Variants in CNTNAP2 observed in about 807,000 individuals in gnomAD.
The protein encoded by CNTNAP2 is contactin-associated protein-like 2.
A neutral mutation model predicts 155.2 loss-of-function variants in CNTNAP2; 98 were observed. The ratio of observed to expected loss-of-function variants is 0.63; its 90% confidence interval spans 0.54 to 0.75. The LOEUF (loss-of-function observed/expected upper bound fraction) is 0.75, where lower values mean the gene tolerates loss of function less well. CNTNAP2 is among the 30% of genes least tolerant of loss of function. CNTNAP2 has a pLI of 0.00. For missense variants in CNTNAP2, 1,727 were observed against 1,688.1 expected (o/e 1.02, Z -0.40); for synonymous variants, 651 against 631.2 (o/e 1.03, Z -0.47).
In CNTNAP2 at chr7:146,395,830, A is replaced by AG. The variant is rs1458932311; in HGVS notation, c.97+278858dup. 2.8e-3 allele frequency among the ~76,000 whole-genome samples: 268 copies of AG among 95,014 alleles called. 2 individuals are homozygous for AG. The highest frequency in any genetic ancestry group is 0.011 in the South Asian group (36 of 3,350). The allele number at this position is 95,014 out of a possible 152,430, so 62.3% of individuals were successfully genotyped here. A position where few individuals can be genotyped will look rare whatever the true frequency, so the allele number is the denominator to read the frequency against. On this transcript the variant is annotated intron_variant, in intron 1 of 23. Coordinates refer to ENST00000361727, the MANE Select transcript of CNTNAP2 (RefSeq NM_014141.6). ...ATAGATAGATAGATAGATAGAGGAG[A>AG]GAGAGAGAGAGAGAGAGAGAGAGAG... is the stretch of plus-strand genomic sequence containing the variant.
At chr7:146,125,153 C>T (rs1319527422) in intron 1 of CNTNAP2, among the ~76,000 whole-genome samples, 2 of 152,214 alleles carry the variant, frequency 1.3e-5, no homozygotes, top group Non-Finnish European at 2.9e-5. Context: ...GCCTCATGCA[C>T]TTCTGTAGTA....
intron 3 of CNTNAP2, among the ~76,000 whole-genome samples, chr7:147,030,823 G>A (rs942229057): frequency 6.6e-6 from 1 of 152,150 alleles, no homozygotes; most frequent in African/African-American, 2.4e-5. Context: ...GTTTGAGGCT[G>A]CAGTGAGCTG....
chr7:147,401,910 A>T (rs114199638), intron 10 of CNTNAP2, among the ~76,000 whole-genome samples: 86 of 152,152 alleles, frequency 5.7e-4, no homozygotes, highest in African/African-American at 2.1e-3. Context: ...TCCAGTCTCA[A>T]GCAGTTCGTT....
At chr7:146,915,880 CAT>C (rs1796383408) in intron 3 of CNTNAP2, 1 of 152,154 alleles carries the variant, frequency 6.6e-6, no homozygotes, top group Admixed American at 6.6e-5. Context: ...TGAAAGTGGG[CAT>C]CCTTGCCTTG....
intron 13 of CNTNAP2, among the ~76,000 whole-genome samples, chr7:147,641,804 C>T (rs1017872672): frequency 1.8e-4 from 28 of 152,070 alleles, no homozygotes; most frequent in African/African-American, 6.3e-4. Flanking sequence ...AAACCTTGAT[C>T]TTTCACTTCC....
intron 10 of CNTNAP2, among the ~76,000 whole-genome samples, chr7:147,476,820 C>G (rs547285737): frequency 6.6e-6 from 1 of 151,714 alleles, no homozygotes; most frequent in Admixed American, 6.6e-5. Context: ...CCCAGCTACT[C>G]AGGAGGCTGA....
chr7:147,070,164 A>T (rs1018421336), intron 4 of CNTNAP2, among the ~76,000 whole-genome samples: 3 of 152,164 alleles, frequency 2.0e-5, no homozygotes, highest in African/African-American at 7.2e-5. Flanking sequence ...TTGCAATTTT[A>T]TGTGCTTTGT....
intron 1 of CNTNAP2, among the ~76,000 whole-genome samples, chr7:146,367,857 A>G (rs1256164445): frequency 6.6e-6 from 1 of 152,112 alleles, no homozygotes; most frequent in Non-Finnish European, 1.5e-5. Flanking sequence ...AATTTTCCAC[A>G]AACTATGATT....
At chr7:147,127,651 C>A (rs1801267596) in intron 6 of CNTNAP2, among the ~76,000 whole-genome samples, 4 of 152,104 alleles carry the variant, frequency 2.6e-5, no homozygotes. Context: ...TGAGTTCTAA[C>A]CCCAATCCCT....
chr7:146,428,910 CTT>C (rs1796132886), intron 1 of CNTNAP2, among the ~76,000 whole-genome samples: 1 of 152,002 alleles, frequency 6.6e-6, no homozygotes, highest in Non-Finnish European at 1.5e-5. Flanking sequence ...TTTAATCTCT[CTT>C]GGGTTAATTT....
intron 1 of CNTNAP2, among the ~76,000 whole-genome samples, chr7:146,395,299 T>C (rs1488578488): frequency 1.3e-5 from 2 of 152,072 alleles, no homozygotes; most frequent in East Asian, 3.9e-4. Context: ...GGGTGTGGGA[T>C]TCAAACCCAG....
At chr7:148,227,211 G>C (rs1374495289) in intron 19 of CNTNAP2, among the ~76,000 whole-genome samples, 1 of 152,168 alleles carries the variant, frequency 6.6e-6, no homozygotes, top group African/African-American at 2.4e-5. Flanking sequence ...TCTGTGCCGA[G>C]TGAAGATGAG....
chr7:146,473,503 T>G (rs1796830047), intron 1 of CNTNAP2, among the ~76,000 whole-genome samples: 1 of 152,190 alleles, frequency 6.6e-6, no homozygotes, highest in Non-Finnish European at 1.5e-5. Context: ...AATAACTCAT[T>G]GGATGTTTGA....
At chr7:147,170,685 C>T (rs1426700761) in intron 8 of CNTNAP2, among the ~76,000 whole-genome samples, 2 of 152,192 alleles carry the variant, frequency 1.3e-5, no homozygotes, top group African/African-American at 2.4e-5. Context: ...ACGGCTCCCT[C>T]CTCTGGACTG....
intron 8 of CNTNAP2, among the ~76,000 whole-genome samples, chr7:147,195,615 C>T (rs1233654401): frequency 1.3e-5 from 2 of 151,994 alleles, no homozygotes; most frequent in East Asian, 3.9e-4. Flanking sequence ...TTTTAGTTCT[C>T]CTTGAAGAGG....
chr7:147,409,915 A>G (rs892955504), intron 10 of CNTNAP2, among the ~76,000 whole-genome samples: 4 of 152,238 alleles, frequency 2.6e-5, no homozygotes, highest in Admixed American at 6.5e-5. Flanking sequence ...AATACTGGCA[A>G]TGCTTTGGGA....
At chr7:147,601,644 A>AATATATAT (rs1160603745) in intron 12 of CNTNAP2, among the ~76,000 whole-genome samples, 7 of 87,464 alleles carry the variant, frequency 8.0e-5, no homozygotes, top group African/African-American at 2.1e-4. Flanking sequence ...CTTAAAAAAA[A>AATATATAT]ATATATATAT....
intron 4 of CNTNAP2, among the ~76,000 whole-genome samples, chr7:147,077,322 G>A (rs572259847): frequency 6.6e-6 from 1 of 151,542 alleles, no homozygotes; most frequent in Admixed American, 6.6e-5. Context: ...TTTCTCTTTG[G>A]TATCTGGAGA....
Position 146,644,912 on chromosome 7 carries a change from A to G in CNTNAP2, c.98-129359A>G, listed in dbSNP as rs369254001. On this transcript the variant is annotated intron_variant, in intron 1 of 23. Transcript: ENST00000361727. ...AATTCTACCAGAGGTACAAGGAGGA[A>G]CTGGTACCATTCCTTCTGAAACTAT... Among the ~76,000 whole-genome samples the G allele has an allele frequency of 2.1e-3, 316 of 152,188 alleles. 5 individuals carry two copies. Among genetic ancestry groups the G allele is most frequent in the South Asian group, 0.017 (82 of 4,806 alleles).
Sources: gnomAD v4.1 joint callset for allele counts (sites outside exome capture counted in the v4.1 genomes callset) on GRCh38, gnomAD v4.1.1 for gene constraint, MANE v1.5 for transcripts, NCBI Gene and HGNC (gene_info 2026-07-23, HGNC 2026-07-21) for gene names.